Variants in VBP1 observed in about 807,000 individuals in gnomAD.
VBP1 encodes VHL binding protein 1.
In VBP1, 4 loss-of-function variants were observed where a neutral mutation model predicts 15.5. That is an observed-to-expected ratio of 0.26 (90% CI 0.13 to 0.59). VBP1 has a LOEUF of 0.59. VBP1 is among the 20% of genes least tolerant of loss of function. VBP1 has a pLI of 0.90. For missense variants in VBP1, 108 were observed against 139.6 expected (o/e 0.77, Z 1.14); for synonymous variants, 61 against 52.1 (o/e 1.17, Z -0.74).
intron 2 of VBP1, among the ~76,000 whole-genome samples, chrX:155,224,204 GC>G (rs1269596256): frequency 4.4e-5 from 5 of 113,012 alleles, no homozygotes; most frequent in African/African-American, 1.6e-4. Context: ...TGGGGTGGCG[GC>G]CGGGCAGAGG....
At chrX:155,217,868 G>A (rs782219579) in intron 1 of VBP1, among the ~76,000 whole-genome samples, 1 of 111,612 alleles carries the variant, frequency 9.0e-6, no homozygotes, top group African/African-American at 3.3e-5. Context: ...TGGACAATCC[G>A]TGGAGGTCCA....
chrX:155,225,666 C>T (rs782634919), intron 2 of VBP1, among the ~76,000 whole-genome samples: 2 of 112,139 alleles, frequency 1.8e-5, no homozygotes, highest in East Asian at 2.8e-4. Flanking sequence ...CAGAATGCAT[C>T]TTAAAAGTCA....
chrX:155,219,156 T>C (rs1339827336), intron 1 of VBP1, among the ~76,000 whole-genome samples: 1 of 112,217 alleles, frequency 8.9e-6, no homozygotes, highest in Non-Finnish European at 1.9e-5. Flanking sequence ...TAAGATATTC[T>C]CTGGTAGCTA....
intron 1 of VBP1, among the ~76,000 whole-genome samples, chrX:155,197,385 A>G (rs1191028933): frequency 8.9e-6 from 1 of 111,912 alleles, no homozygotes; most frequent in African/African-American, 3.2e-5. Flanking sequence ...ATAATTGCTT[A>G]AGGAAAGATC....
chrX:155,223,678 C>T (rs782424544), intron 2 of VBP1, among the ~76,000 whole-genome samples: 91 of 112,939 alleles, frequency 8.1e-4, no homozygotes, highest in African/African-American at 2.7e-3. Flanking sequence ...AAACCTCCAT[C>T]GTCATCATGG....
intron 1 of VBP1, among the ~76,000 whole-genome samples, chrX:155,217,825 C>T (rs145700123): frequency 0.032 from 3,597 of 111,285 alleles, 56 homozygotes; most frequent in African/African-American, 0.044. Flanking sequence ...CCAGGCCACA[C>T]AGGATGTAAG....
chrX:155,235,104 GTGTGTGTGTGTA>G (rs1448275926), intron 4 of VBP1, among the ~76,000 whole-genome samples: 2 of 107,157 alleles, frequency 1.9e-5, no homozygotes, highest in Non-Finnish European at 3.9e-5. Flanking sequence ...TTCACCCAGT[GTGTGTGTGTGTA>G]TGTGTGTGTG....
intron 1 of VBP1, among the ~76,000 whole-genome samples, chrX:155,201,783 TA>T (rs1557307510): frequency 9.2e-6 from 1 of 109,096 alleles, no homozygotes. Flanking sequence ...GAGAAGGAAA[TA>T]AAGGCTATTC....
At chrX:155,205,399 A>G (rs1467398821) in intron 1 of VBP1, among the ~76,000 whole-genome samples, 1 of 111,999 alleles carries the variant, frequency 8.9e-6, no homozygotes, top group Non-Finnish European at 1.9e-5. Context: ...TCCCAATCAC[A>G]GCTGATGACA....
rs782636895 is a variant in VBP1 at position 155,199,058 on chromosome X, A to T, written c.-31+1919A>T. Among the ~76,000 whole-genome samples, 187 of 111,218 alleles carry T rather than the reference A, an allele frequency of 1.7e-3. 3 individuals are homozygous for T. The highest frequency in any genetic ancestry group is 3.2e-3 in the Non-Finnish European group (168 of 52,818). The stretch of plus-strand genomic sequence containing the variant: ...TGAAGTGAGAAGGGAAGTTTAGAGA[A>T]AAAAGAATAAAAAGAAATGAACAAG... On this transcript the variant is annotated intron_variant, in intron 1 of 6. Coordinates refer to the VBP1 transcript ENST00000535916.
chrX:155,207,336 G>A (rs1414686925), intron 1 of VBP1, among the ~76,000 whole-genome samples: 1 of 111,888 alleles, frequency 8.9e-6, no homozygotes, highest in Non-Finnish European at 1.9e-5. Context: ...TGGACTGAAG[G>A]AGGTATATTC....
Position 155,208,913 on chromosome X carries a change from C to T in VBP1, c.10C>T (p.Gln4Ter). Residue 4 changes from glutamine (Q) to a stop codon, truncating the protein, a stop_gained, in exon 2 of 7, where the codon CAA becomes TAA. Coordinates refer to the VBP1 transcript ENST00000535916. LOFTEE classifies it high-confidence loss of function. ...GGGAGCTCCTTCTCTAATGGCACCT[C>T]AACCCATGATTCATACCCAGCAAGG... 2 of 1,154,924 alleles carry T rather than the reference C, an allele frequency of 1.7e-6. No individual in the cohort carries two copies. The highest frequency in any genetic ancestry group is 2.3e-6 in the Non-Finnish European group (2 of 872,439).
intron 4 of VBP1, among the ~76,000 whole-genome samples, chrX:155,234,885 T>C (rs782430964): frequency 2.7e-5 from 3 of 112,240 alleles, no homozygotes; most frequent in East Asian, 5.6e-4. Flanking sequence ...CTGGATATAA[T>C]ATCTTAAACT....
At chrX:155,234,109 G>GTTTTTT (rs35367656) in intron 4 of VBP1, among the ~76,000 whole-genome samples, 3 of 28,676 alleles carry the variant, frequency 1.0e-4, no homozygotes, top group African/African-American at 4.2e-4. Context: ...TTGTTCCTCT[G>GTTTTTT]TTTTTTTTTT....
chrX:155,227,393 T>G (rs193111585), intron 3 of VBP1, 92 bp downstream of exon 3: 7,877 of 605,799 alleles, frequency 0.013, 69 homozygotes, highest in Non-Finnish European at 0.013. Flanking sequence ...ATATTTGATC[T>G]GTGCTGTGGA....
rs782301088 is a variant in VBP1 at position 155,221,599 on chromosome X, A to C, written c.218+1292A>C. On this transcript the variant is annotated intron_variant, in intron 2 of 5. Coordinates refer to ENST00000286428, the MANE Select transcript of VBP1 (RefSeq NM_003372.7). ...ACACAAAGTAGAACAGTAGAGGTAC[A>C]GGGGGATGGTAACTCATTACTTTGT... is the stretch of plus-strand genomic sequence containing the variant. 5.3e-4 allele frequency among the ~76,000 whole-genome samples: 60 copies of C among 112,310 alleles called. No individual in the cohort carries two copies. In the South Asian group the frequency reaches 0.011, roughly 20 times the overall value.
intron 2 of VBP1, among the ~76,000 whole-genome samples, chrX:155,224,891 C>CT (rs1259429375): frequency 1.8e-5 from 2 of 110,471 alleles, no homozygotes; most frequent in African/African-American, 6.6e-5. Flanking sequence ...TATTATTTCC[C>CT]TTTTTTCTGT....
chrX:155,198,432 C>T (rs900126928), intron 1 of VBP1, among the ~76,000 whole-genome samples: 19 of 111,769 alleles, frequency 1.7e-4, no homozygotes, highest in African/African-American at 5.8e-4. Context: ...GAATGTCAGA[C>T]AGCAGCATTC....
chrX:155,231,888 A>G (rs782585495), intron 4 of VBP1, among the ~76,000 whole-genome samples: 3 of 111,442 alleles, frequency 2.7e-5, no homozygotes, highest in Non-Finnish European at 5.7e-5. Flanking sequence ...GCGGTGCTGT[A>G]GTAAATATTT....
Sources: gnomAD v4.1 joint callset for allele counts (sites outside exome capture counted in the v4.1 genomes callset) on GRCh38, gnomAD v4.1.1 for gene constraint, MANE v1.5 for transcripts, NCBI Gene and HGNC (gene_info 2026-07-23, HGNC 2026-07-21) for gene names.